RNF150: variants seen among roughly 807,000 people sequenced by gnomAD.
RNF150 encodes the protein ring finger protein 150.
Under a neutral mutation model 39.3 loss-of-function variants are expected in RNF150, and 24 were observed. The observed-to-expected ratio is 0.61, with a 90% CI of 0.44 to 0.86. RNF150 has a LOEUF of 0.86. Ranked by LOEUF, RNF150 falls within the 40% of genes least tolerant of loss-of-function variation. RNF150 has a pLI of 0.00. For missense variants in RNF150, 502 were observed against 587.8 expected, an observed-to-expected ratio of 0.85 and a Z score of 1.51; for synonymous variants, 255 against 227.3, an observed-to-expected ratio of 1.12 and a Z score of -1.10.
At chr4:140,875,170 T>G (rs1397234088) in intron 6 of RNF150, among the ~76,000 whole-genome samples, 2 of 150,556 alleles carry the variant, frequency 1.3e-5, no homozygotes, top group African/African-American at 2.5e-5. Flanking sequence ...TACGTTTTTT[T>G]TTTTTTTTTT....
At chr4:140,913,317 G>A (rs1341722898) in intron 5 of RNF150, among the ~76,000 whole-genome samples, 2 of 152,144 alleles carry the variant, frequency 1.3e-5, no homozygotes, top group Non-Finnish European at 2.9e-5. Context: ...CTTCTCCCAA[G>A]GAAGGAATTA....
At chr4:140,961,027 T>C (rs193153265) in intron 2 of RNF150, among the ~76,000 whole-genome samples, 26 of 152,162 alleles carry the variant, frequency 1.7e-4, no homozygotes, top group Middle Eastern at 3.4e-3. Context: ...CTAGGAATTA[T>C]CAAAGCAAAG....
Position 140,862,733 on chromosome 4 carries a change from A to G in RNF150, c.*5528T>C, listed in dbSNP as rs550822228. 5 of 152,334 alleles carry G rather than the reference A, an allele frequency of 3.3e-5. No individual in the cohort carries two copies. In the South Asian group the frequency reaches 6.2e-4, roughly 19 times the overall value. The allele number at this position is 152,334 out of a possible 1,614,324, so 9.4% of individuals were successfully genotyped here. A position where few individuals can be genotyped will look rare whatever the true frequency, so the allele number is the denominator to read the frequency against. On this transcript the variant is annotated 3_prime_UTR_variant, in exon 7 of 7. Transcript: ENST00000515673. ...GGCAATCCAGACCTTCTTTGCAATC[A>G]TGAGTATTTTAACTCATGAGTATTT...
chr4:141,085,105 A>C (rs908191570), intron 1 of RNF150, among the ~76,000 whole-genome samples: 2 of 152,230 alleles, frequency 1.3e-5, no homozygotes, highest in African/African-American at 4.8e-5. Flanking sequence ...ATGGACTCAC[A>C]GTTTCACATG....
chr4:141,082,249 G>A (rs1738178324), intron 1 of RNF150, among the ~76,000 whole-genome samples: 1 of 152,160 alleles, frequency 6.6e-6, no homozygotes, highest in South Asian at 2.1e-4. Flanking sequence ...AAAGCCTAAA[G>A]GCAACATACA....
intron 1 of RNF150, among the ~76,000 whole-genome samples, chr4:141,031,925 T>C (rs180792214): frequency 6.6e-6 from 1 of 152,022 alleles, no homozygotes; most frequent in African/African-American, 2.4e-5. Context: ...ACCCCCATGT[T>C]CCCTGTAATA....
intron 1 of RNF150, among the ~76,000 whole-genome samples, chr4:140,994,400 T>C (rs1579035696): frequency 1.3e-5 from 2 of 152,130 alleles, no homozygotes; most frequent in Admixed American, 6.5e-5. Context: ...TTGAAGGTGA[T>C]AGTAAAATGA....
intron 6 of RNF150, among the ~76,000 whole-genome samples, chr4:140,872,756 A>G (rs1185241250): frequency 3.9e-5 from 6 of 152,220 alleles, no homozygotes; most frequent in African/African-American, 1.4e-4. Flanking sequence ...GAAACTGGAG[A>G]AGAAGCAGGT....
chr4:140,977,658 C>G (rs1417418812), intron 1 of RNF150, among the ~76,000 whole-genome samples: 1 of 152,152 alleles, frequency 6.6e-6, no homozygotes, highest in Non-Finnish European at 1.5e-5. Flanking sequence ...GAATTCCCAA[C>G]CAGAGTCACT....
chr4:140,968,102 A>G (rs1476022535), intron 1 of RNF150, among the ~76,000 whole-genome samples: 1 of 152,040 alleles, frequency 6.6e-6, no homozygotes, highest in Non-Finnish European at 1.5e-5. Context: ...AGAACCTAAA[A>G]TGCATTCATG....
chr4:141,148,647 G>A (rs565931732), intron 1 of RNF150, among the ~76,000 whole-genome samples: 1 of 152,190 alleles, frequency 6.6e-6, no homozygotes, highest in East Asian at 1.9e-4. Flanking sequence ...CACCATGTTG[G>A]ACAGGCTGAT....
chr4:141,073,667 G>GC (rs1737789092), intron 1 of RNF150, among the ~76,000 whole-genome samples: 1 of 53,294 alleles, frequency 1.9e-5, no homozygotes, highest in African/African-American at 3.5e-5. Context: ...CAAGCTCGGG[G>GC]GGGGAAGTCT....
intron 6 of RNF150, among the ~76,000 whole-genome samples, chr4:140,908,432 C>T (rs986217259): frequency 1.3e-5 from 2 of 151,800 alleles, no homozygotes; most frequent in African/African-American, 4.9e-5. Flanking sequence ...AGTTTCTATA[C>T]TGAGAAACTG....
At chr4:140,997,724 A>ATATATACACACACATATATGTGTGTG in intron 1 of RNF150, among the ~76,000 whole-genome samples, 1 of 49,640 alleles carries the variant, frequency 2.0e-5, no homozygotes, top group South Asian at 5.5e-4. Context: ...ATATGTGTGT[A>ATATATACACACACATATATGTGTGTG]TAAAAAGATA....
chr4:141,066,933 G>A (rs62327669), intron 1 of RNF150, among the ~76,000 whole-genome samples: 37,059 of 151,940 alleles, frequency 0.24, 4,509 homozygotes, highest in Middle Eastern at 0.4. Context: ...ACACTCCTAG[G>A]CTATGTGGTA....
intron 1 of RNF150, among the ~76,000 whole-genome samples, chr4:140,977,673 C>G (rs1305695680): frequency 1.3e-5 from 2 of 152,120 alleles, no homozygotes; most frequent in African/African-American, 4.8e-5. Flanking sequence ...GTCACTGAAC[C>G]TCTCATATAC....
In RNF150 at chr4:141,065,396, T is replaced by C. The variant is rs543162195; in HGVS notation, c.484+66929A>G. Among the ~76,000 whole-genome samples, 23 of 152,280 alleles carry C rather than the reference T, an allele frequency of 1.5e-4. No individual in the cohort carries two copies. In the South Asian group the frequency reaches 4.3e-3, roughly 29 times the overall value. On this transcript the variant is annotated intron_variant, in intron 1 of 6. Transcript: ENST00000515673. ...ATTGATTTCTGAATGTTTCTGACTCTACTAAAAAATTTATATGAAACTATT... is the reference window on the plus strand; with the variant it reads ...ATTGATTTCTGAATGTTTCTGACTCCACTAAAAAATTTATATGAAACTATT...
chr4:140,985,404 T>G (rs1026879132), intron 1 of RNF150, among the ~76,000 whole-genome samples: 1 of 152,168 alleles, frequency 6.6e-6, no homozygotes, highest in Non-Finnish European at 1.5e-5. Context: ...CTTCCACCTC[T>G]GACCTTATGA....
intron 1 of RNF150, among the ~76,000 whole-genome samples, chr4:141,065,990 C>T (rs1242560131): frequency 6.6e-6 from 1 of 152,040 alleles, no homozygotes; most frequent in East Asian, 1.9e-4. Context: ...AGGTAACACA[C>T]TGCAGGCATT....
Sources: gnomAD v4.1 joint callset for allele counts (sites outside exome capture counted in the v4.1 genomes callset) on GRCh38, gnomAD v4.1.1 for gene constraint, MANE v1.5 for transcripts, NCBI Gene and HGNC (gene_info 2026-07-23, HGNC 2026-07-21) for gene names.